Variants in FTCDNL1 observed in about 807,000 individuals in gnomAD.
FTCDNL1 encodes formiminotransferase cyclodeaminase N-terminal like, also known as formiminotransferase N-terminal subdomain-containing protein.
Under a neutral mutation model 5.9 loss-of-function variants are expected in FTCDNL1, and 11 were observed. The observed-to-expected ratio is 1.87, with a 90% CI of 1.18 to 3.10. The LOEUF is 3.10. Ranked by LOEUF, FTCDNL1 falls within the 30% of genes most tolerant of loss-of-function variation. FTCDNL1 has a pLI of 0.00. For missense variants in FTCDNL1, 115 were observed against 65.5 expected, an observed-to-expected ratio of 1.76 and a Z score of -2.61; for synonymous variants, 58 against 24.8, an observed-to-expected ratio of 2.34 and a Z score of -3.99.
chr2:199,771,405 T>C (rs1244962745), intron 3 of FTCDNL1, among the ~76,000 whole-genome samples: 1 of 152,222 alleles, frequency 6.6e-6, no homozygotes, highest in East Asian at 1.9e-4. Flanking sequence ...AGTTGACTCA[T>C]GGAATTGAGA....
chr2:199,681,224 C>T, the FTCDNL1 span, among the ~76,000 whole-genome samples: 5 of 151,936 alleles, frequency 3.3e-5, no homozygotes, highest in South Asian at 2.1e-4. Flanking sequence ...GAGGCTGAGG[C>T]AGGTGGATCA....
the FTCDNL1 span, among the ~76,000 whole-genome samples, chr2:199,674,511 T>C: frequency 6.6e-6 from 1 of 152,184 alleles, no homozygotes. Flanking sequence ...ATTATCTGGA[T>C]TGCATCACTC....
intron 3 of FTCDNL1, among the ~76,000 whole-genome samples, chr2:199,783,421 G>T (rs1213374143): frequency 1.3e-5 from 2 of 151,988 alleles, no homozygotes; most frequent in Non-Finnish European, 2.9e-5. Flanking sequence ...ATACATCTTT[G>T]GGTCTTTTGA....
At chr2:199,699,568 T>C in the FTCDNL1 span, among the ~76,000 whole-genome samples, 1 of 152,292 alleles carries the variant, frequency 6.6e-6, no homozygotes, top group Middle Eastern at 3.4e-3. Flanking sequence ...AGCATCATTC[T>C]GATACCAAAA....
chr2:199,674,921 G>A, the FTCDNL1 span, among the ~76,000 whole-genome samples: 1 of 152,110 alleles, frequency 6.6e-6, no homozygotes, highest in African/African-American at 2.4e-5. Context: ...AGGAGGTAAG[G>A]AGCTGACTTC....
chr2:199,713,990 C>G, the FTCDNL1 span, among the ~76,000 whole-genome samples: 1 of 152,068 alleles, frequency 6.6e-6, no homozygotes, highest in Non-Finnish European at 1.5e-5. Flanking sequence ...ATAGTGTGTC[C>G]TGTAAAAAGA....
chr2:199,776,956 A>ATG (rs1463129328), intron 3 of FTCDNL1, among the ~76,000 whole-genome samples: 16 of 110,172 alleles, frequency 1.5e-4, no homozygotes, highest in African/African-American at 4.2e-4. Flanking sequence ...AGATGTGTGT[A>ATG]TATGTGTGTG....
At chr2:199,840,246 A>G (rs542007749) in intron 3 of FTCDNL1, among the ~76,000 whole-genome samples, 2 of 152,372 alleles carry the variant, frequency 1.3e-5, no homozygotes, top group East Asian at 3.9e-4. Flanking sequence ...ACCAGTGGTA[A>G]GTATATAAAA....
At chr2:199,822,013 C>T (rs534260340) in intron 3 of FTCDNL1, among the ~76,000 whole-genome samples, 43 of 152,208 alleles carry the variant, frequency 2.8e-4, no homozygotes, top group African/African-American at 9.4e-4. Flanking sequence ...TTTGGTTTCC[C>T]AGTGCATATA....
At chr2:199,700,685 A>C in the FTCDNL1 span, among the ~76,000 whole-genome samples, 1 of 152,296 alleles carries the variant, frequency 6.6e-6, no homozygotes, top group African/African-American at 2.4e-5. Context: ...CATGGTATTG[A>C]TACAAAAACA....
At chr2:199,801,267 C>G (rs1700432077) in intron 3 of FTCDNL1, among the ~76,000 whole-genome samples, 1 of 152,194 alleles carries the variant, frequency 6.6e-6, no homozygotes, top group Non-Finnish European at 1.5e-5. Flanking sequence ...ATTCACAACT[C>G]AACTTCTCCT....
intron 3 of FTCDNL1, among the ~76,000 whole-genome samples, chr2:199,820,815 C>A (rs1253178945): frequency 6.6e-6 from 1 of 152,120 alleles, no homozygotes; most frequent in Non-Finnish European, 1.5e-5. Flanking sequence ...TAATTATAGT[C>A]CCCTGTAAGC....
At chr2:199,701,744 GGAGCTAGGCT>G in the FTCDNL1 span, among the ~76,000 whole-genome samples, 1 of 152,110 alleles carries the variant, frequency 6.6e-6, no homozygotes, top group Non-Finnish European at 1.5e-5. Context: ...CTTATAAGCG[GGAGCTAGGCT>G]GAGCTAGGCT....
At chr2:199,826,458 C>A (rs1490108432) in intron 3 of FTCDNL1, among the ~76,000 whole-genome samples, 2 of 145,112 alleles carry the variant, frequency 1.4e-5, no homozygotes, top group Non-Finnish European at 3.0e-5. Context: ...TTCTCTAAAT[C>A]ACCAATTCCT....
the FTCDNL1 span, among the ~76,000 whole-genome samples, chr2:199,714,773 T>C: frequency 6.6e-6 from 1 of 151,930 alleles, no homozygotes; most frequent in South Asian, 2.1e-4. Flanking sequence ...AGGCTTTGCT[T>C]GTACAGGGAC....
chr2:199,711,597 AGT>A, the FTCDNL1 span, among the ~76,000 whole-genome samples: 1 of 152,212 alleles, frequency 6.6e-6, no homozygotes. Context: ...CAACACTGAG[AGT>A]GTGATTTACC....
At chr2:199,792,899 T>C (rs1050313051) in intron 3 of FTCDNL1, among the ~76,000 whole-genome samples, 1 of 152,158 alleles carries the variant, frequency 6.6e-6, no homozygotes, top group African/African-American at 2.4e-5. Context: ...CCATCAATAC[T>C]GGTTAAATTA....
chr2:199,727,342 A>G, the FTCDNL1 span, among the ~76,000 whole-genome samples: 1 of 152,198 alleles, frequency 6.6e-6, no homozygotes, highest in African/African-American at 2.4e-5. Flanking sequence ...AGTCTCCAGC[A>G]TATGTGAGAG....
intron 4 of FTCDNL1, among the ~76,000 whole-genome samples, chr2:199,815,056 C>T (rs1701269578): frequency 6.6e-6 from 1 of 152,178 alleles, no homozygotes; most frequent in Non-Finnish European, 1.5e-5. Context: ...TGCATACATG[C>T]AGGCCATTCA....
Sources: allele counts gnomAD v4.1 joint callset (sites outside exome capture counted in the v4.1 genomes callset), GRCh38; gene constraint gnomAD v4.1.1; transcripts MANE v1.5; gene names NCBI Gene and HGNC (gene_info 2026-07-23, HGNC 2026-07-21).